AMOTL1: variants seen among roughly 807,000 people sequenced by gnomAD.
The protein encoded by AMOTL1 is angiomotin like 1.
AMOTL1 carries 45 observed loss-of-function variants against 102.9 expected under a neutral mutation model. The ratio of observed to expected loss-of-function variants is 0.44; its 90% CI spans 0.34 to 0.56. The LOEUF (loss-of-function observed/expected upper bound fraction) is 0.56, where lower values mean the gene tolerates loss of function less well. Ranked by LOEUF, AMOTL1 falls within the 20% of genes least tolerant of loss-of-function variation. The probability of loss-of-function intolerance (pLI) is 0.01; values close to 1 mark genes in which losing one functional copy is unlikely to be tolerated. For synonymous variants in AMOTL1, 481 were observed against 484.7 expected (o/e 0.99, Z 0.10); for missense variants, 1,114 against 1,225.6 (o/e 0.91, Z 1.36).
intron 2 of AMOTL1, among the ~76,000 whole-genome samples, chr11:94,738,071 G>A (rs1950460575): frequency 6.6e-6 from 1 of 152,156 alleles, no homozygotes; most frequent in Non-Finnish European, 1.5e-5. Context: ...TGGGAAGAGG[G>A]AAAAGCCACA....
At chr11:94,823,847 C>A (rs1004981994) in intron 4 of AMOTL1, among the ~76,000 whole-genome samples, 3 of 151,676 alleles carry the variant, frequency 2.0e-5, no homozygotes, top group African/African-American at 7.3e-5. Flanking sequence ...TCCTGAGTAG[C>A]TGAGACTACA....
At chr11:94,770,186 T>C (rs1950925930) in intron 1 of AMOTL1, among the ~76,000 whole-genome samples, 1 of 152,214 alleles carries the variant, frequency 6.6e-6, no homozygotes. Flanking sequence ...TAAGGAGCTC[T>C]CTAGATTGCA....
chr11:94,774,659 T>G (rs968665218), intron 1 of AMOTL1, among the ~76,000 whole-genome samples: 4 of 152,206 alleles, frequency 2.6e-5, no homozygotes, highest in African/African-American at 4.8e-5. Flanking sequence ...CCCTAGAGTT[T>G]CTGTTTCCTT....
chr11:94,771,126 T>G (rs1383281520), intron 1 of AMOTL1, among the ~76,000 whole-genome samples: 4 of 152,138 alleles, frequency 2.6e-5, no homozygotes, highest in African/African-American at 9.7e-5. Flanking sequence ...GAATTGCTAG[T>G]GAAAATTGTA....
intron 1 of AMOTL1, among the ~76,000 whole-genome samples, chr11:94,786,996 AC>A (rs1951199996): frequency 6.6e-6 from 1 of 152,054 alleles, no homozygotes; most frequent in African/African-American, 2.4e-5. Context: ...AACTGGAGAT[AC>A]AAAGGTGAAT....
chr11:94,819,603 A>C (rs1312070443), intron 3 of AMOTL1, among the ~76,000 whole-genome samples: 1 of 152,142 alleles, frequency 6.6e-6, no homozygotes, highest in African/African-American at 2.4e-5. Context: ...CCCCACTTGG[A>C]GTTGTCCAGC....
chr11:94,793,464 CT>C (rs1951318650), intron 1 of AMOTL1, among the ~76,000 whole-genome samples: 1 of 152,208 alleles, frequency 6.6e-6, no homozygotes, highest in Non-Finnish European at 1.5e-5. Context: ...TTGAATAGAT[CT>C]GGGTGGTTCC....
At chr11:94,713,476 AT>A (rs1167093027) in intron 1 of AMOTL1, among the ~76,000 whole-genome samples, 3 of 151,680 alleles carry the variant, frequency 2.0e-5, no homozygotes, top group African/African-American at 7.3e-5. Context: ...GAGAAATGAC[AT>A]TTTTACTATG....
chr11:94,818,102 CT>C (rs1565365698), intron 3 of AMOTL1, among the ~76,000 whole-genome samples: 1 of 152,104 alleles, frequency 6.6e-6, no homozygotes, highest in Non-Finnish European at 1.5e-5. Context: ...CAATAAGAAT[CT>C]TTTTCTTTGT....
intron 6 of AMOTL1, among the ~76,000 whole-genome samples, chr11:94,831,988 C>CA (rs1952081394): frequency 6.6e-6 from 1 of 152,186 alleles, no homozygotes; most frequent in Non-Finnish European, 1.5e-5. Flanking sequence ...TAAGTGATCG[C>CA]ATTATATATC....
chr11:94,839,263 C>G (rs557907805), intron 6 of AMOTL1, among the ~76,000 whole-genome samples: 2 of 152,232 alleles, frequency 1.3e-5, no homozygotes, highest in Non-Finnish European at 2.9e-5. Context: ...CATTTAACAA[C>G]GGTAACAGCT....
At chr11:94,766,873 G>A (rs147334316), upstream of AMOTL1, among the ~76,000 whole-genome samples, 102 of 152,260 alleles carry the variant, frequency 6.7e-4, no homozygotes, top group East Asian at 9.3e-3. Flanking sequence ...TTTTTGTGAC[G>A]TTGTTATTCT....
chr11:94,860,130 A>G (rs908005233), intron 9 of AMOTL1, among the ~76,000 whole-genome samples: 4 of 152,246 alleles, frequency 2.6e-5, no homozygotes, highest in Non-Finnish European at 5.9e-5. Flanking sequence ...GTGAAAGTAT[A>G]TTTAAGGCAC....
intron 3 of AMOTL1, among the ~76,000 whole-genome samples, chr11:94,809,794 A>C (rs1951638970): frequency 6.6e-6 from 1 of 152,220 alleles, no homozygotes; most frequent in African/African-American, 2.4e-5. Context: ...AAACTAGCTT[A>C]TTTATTAAAA....
chr11:94,819,928 G>C (rs553135186), intron 3 of AMOTL1, among the ~76,000 whole-genome samples: 10 of 152,298 alleles, frequency 6.6e-5, no homozygotes, highest in Non-Finnish European at 1.3e-4. Context: ...GGATGGACTT[G>C]TTAGGAATGG....
At chr11:94,834,959 A>G (rs1418140200) in intron 6 of AMOTL1, among the ~76,000 whole-genome samples, 1 of 152,178 alleles carries the variant, frequency 6.6e-6, no homozygotes, top group Non-Finnish European at 1.5e-5. Flanking sequence ...GGTAATTACT[A>G]CTTAATTCTA....
At chr11:94,844,995 CT>C (rs1291234780) in intron 6 of AMOTL1, among the ~76,000 whole-genome samples, 1 of 152,196 alleles carries the variant, frequency 6.6e-6, no homozygotes, top group Admixed American at 6.5e-5. Flanking sequence ...GAAGTGCTGG[CT>C]TACAGGTTTG....
intron 3 of AMOTL1, among the ~76,000 whole-genome samples, chr11:94,815,519 A>G (rs552473365): frequency 9.2e-5 from 14 of 152,258 alleles, no homozygotes; most frequent in African/African-American, 3.1e-4. Flanking sequence ...AAATAAACTT[A>G]TCATATAATT....
At chr11:94,760,921 C>T (rs537945237) in intron 3 of AMOTL1, among the ~76,000 whole-genome samples, 28 of 152,010 alleles carry the variant, frequency 1.8e-4, no homozygotes, top group Admixed American at 3.9e-4. Flanking sequence ...CTCCACCACA[C>T]CTGGTCAATT....
Sources: allele counts gnomAD v4.1 joint callset (sites outside exome capture counted in the v4.1 genomes callset), GRCh38; gene constraint gnomAD v4.1.1; transcripts MANE v1.5; gene names NCBI Gene and HGNC (gene_info 2026-07-23, HGNC 2026-07-21).